The following ELP4 variants were observed in gnomAD, a reference collection of about 807,000 sequenced individuals.
ELP4 encodes the protein elongator acetyltransferase complex subunit 4.
Under a neutral mutation model 48.9 loss-of-function variants are expected in ELP4, and 51 were observed. The ratio of observed to expected loss-of-function variants is 1.04; its 90% confidence interval spans 0.83 to 1.32. The LOEUF is 1.32. Among genes scored for constraint, ELP4 ranks in the 40% most tolerant of loss-of-function variants. The pLI is 0.00. For missense variants in ELP4, 519 were observed against 514.6 expected, an observed-to-expected ratio of 1.01 and a Z score of -0.08; for synonymous variants, 210 against 189.2, an observed-to-expected ratio of 1.11 and a Z score of -0.90.
chr11:31,771,786 T>C (rs543737911), intron 9 of ELP4, among the ~76,000 whole-genome samples: 3 of 152,320 alleles, frequency 2.0e-5, no homozygotes, highest in South Asian at 2.1e-4. Flanking sequence ...AAGACCATCC[T>C]GGCTAACACA....
rs1233906076 is a variant in ELP4 at position 31,509,810 on chromosome 11, G to A, written c.26G>A (p.Ser9Asn). The A allele has an allele frequency of 1.2e-6, 2 of 1,614,038 alleles. No individual in the cohort carries two copies. The highest frequency in any genetic ancestry group is 2.7e-5 in the African/African-American group (2 of 74,936). ...ATGGCGGCAGTGGCAACCTGCGGTA[G>A]TGTTGCCGCGAGTACTGGGTCTGCA... MAAVATCG[S>N]VAASTGSAVA... The change falls in exon 1 of 10, where the codon AGT becomes AAT. Residue 9 changes from serine to asparagine, a missense_variant. Coordinates refer to ENST00000640961, the MANE Select transcript of ELP4 (RefSeq NM_019040.5).
chr11:31,607,133 G>A lies in ELP4; in HGVS notation c.653+3226G>A, dbSNP rs578186374. ...GAAGGCTGCTATCTGCAACCTAAGG[G>A]AAGAGCCCTCACCAGGCACCAACTC... On this transcript the variant is annotated intron_variant, in intron 5 of 9. Transcript: ENST00000640961. Among the ~76,000 whole-genome samples, 530 of 152,262 alleles carry A rather than the reference G, an allele frequency of 3.5e-3. 1 individual carries two copies. The highest frequency in any genetic ancestry group is 4.8e-3 in the Non-Finnish European group (326 of 68,020).
At chr11:31,601,193 A>G (rs1330466990) in intron 4 of ELP4, among the ~76,000 whole-genome samples, 1 of 144,370 alleles carries the variant, frequency 6.9e-6, no homozygotes, top group Non-Finnish European at 1.5e-5. Flanking sequence ...TTTAGAGGAA[A>G]TGTCTAAGTC....
chr11:31,569,479 G>A (rs997996670), intron 3 of ELP4, among the ~76,000 whole-genome samples: 3 of 152,048 alleles, frequency 2.0e-5, no homozygotes, highest in South Asian at 2.1e-4. Flanking sequence ...AGAACACCAC[G>A]GTGTCTGACA....
rs371653529 is a variant in ELP4, at chr11:31,710,751, G to A, written c.1143+60530G>A. Among the ~76,000 whole-genome samples the A allele has an allele frequency of 2.2e-4, 34 of 152,144 alleles. No homozygotes were observed. In the East Asian group the frequency reaches 2.3e-3, roughly 10 times the overall value. ...GACTTTGGATACCTCTTCAGCATAC[G>A]GATGAGAAGAATAAGACACAGAGAG... On this transcript the variant is annotated intron_variant, in intron 9 of 9. Coordinates refer to ENST00000640961, the MANE Select transcript of ELP4 (RefSeq NM_019040.5).
intron 7 of ELP4, chr11:31,632,833 A>T (rs1944892036): frequency 6.6e-6 from 1 of 152,374 alleles, no homozygotes; most frequent in South Asian, 2.1e-4. Flanking sequence ...TAATGAATCA[A>T]TGTATTTCCA....
At chr11:31,645,462 T>G (rs1280145095) in intron 7 of ELP4, among the ~76,000 whole-genome samples, 1 of 151,794 alleles carries the variant, frequency 6.6e-6, no homozygotes. Flanking sequence ...ACACAGTACT[T>G]TGCTTATGTA....
At chr11:31,621,566 A>G (rs1322688934) in intron 5 of ELP4, among the ~76,000 whole-genome samples, 1 of 151,942 alleles carries the variant, frequency 6.6e-6, no homozygotes, top group Non-Finnish European at 1.5e-5. Context: ...TGACACAGGT[A>G]GAACTAGAAC....
At chr11:31,516,348 G>A (rs906106163) in intron 1 of ELP4, among the ~76,000 whole-genome samples, 1 of 152,118 alleles carries the variant, frequency 6.6e-6, no homozygotes, top group Non-Finnish European at 1.5e-5. Context: ...AAAGGCTATT[G>A]GGTAATTAAA....
chr11:31,750,029 T>C (rs933340353), intron 9 of ELP4, among the ~76,000 whole-genome samples: 3 of 151,910 alleles, frequency 2.0e-5, no homozygotes, highest in Non-Finnish European at 4.4e-5. Context: ...CTAATTTTTT[T>C]TTTTTTTGTA....
chr11:31,703,450 A>C (rs1194201973), intron 9 of ELP4, among the ~76,000 whole-genome samples: 2 of 152,212 alleles, frequency 1.3e-5, no homozygotes. Context: ...GTATGAGTAA[A>C]ATATGAATAT....
intron 4 of ELP4, chr11:31,599,941 C>G (rs1430130077): frequency 6.6e-6 from 1 of 152,162 alleles, no homozygotes; most frequent in African/African-American, 2.4e-5. Context: ...CCGTAGACTT[C>G]ACTGTGTTTT....
In ELP4 at chr11:31,520,074, G is replaced by C. The variant is rs746405426; in HGVS notation, c.242G>C (p.Gly81Ala). 1 of 1,612,676 alleles carries C rather than the reference G, an allele frequency of 6.2e-7. No homozygotes were observed. The highest frequency in any genetic ancestry group is 8.5e-7 in the Non-Finnish European group (1 of 1,179,506). The change falls in exon 2 of 10, where the codon GGA (glycine) becomes GCA (alanine). Residue 81 changes from glycine (G) to alanine (A), a missense_variant. By Grantham distance (60) the Gly-to-Ala change is moderately conservative (BLOSUM62 0). Coordinates refer to ENST00000640961, the MANE Select transcript of ELP4 (RefSeq NM_019040.5). ...TTTCCAGGTGGAGGTTTAGCCGTTG[G>C]AACAGTTCTTCTAATTGGTTAGTAC... is the stretch of plus-strand genomic sequence containing the variant. ...DQLLGGGLAV[G>A]TVLLIEEDKY...
At chr11:31,542,727 C>T (rs1423512110) in intron 3 of ELP4, among the ~76,000 whole-genome samples, 2 of 152,138 alleles carry the variant, frequency 1.3e-5, no homozygotes, top group African/African-American at 4.8e-5. Flanking sequence ...AAGTGTCCAG[C>T]ACCCAACAGA....
chr11:31,716,112 G>T (rs1946837541), intron 9 of ELP4, among the ~76,000 whole-genome samples: 1 of 152,074 alleles, frequency 6.6e-6, no homozygotes, highest in Non-Finnish European at 1.5e-5. Context: ...TTCCTGGGTT[G>T]TAAACCATCC....
chr11:31,604,614 A>G lies in ELP4; in HGVS notation c.653+707A>G, dbSNP rs73462942. ...AGTTATGGAACAGATTGTCATTTAT[A>G]TTTTCTTAAGCATTTGTAAAACCAT... is the stretch of plus-strand genomic sequence containing the variant. On this transcript the variant is annotated intron_variant, in intron 5 of 9. Transcript: ENST00000640961. 8.1e-3 allele frequency among the ~76,000 whole-genome samples: 1,233 copies of G among 152,026 alleles called. 16 individuals are homozygous for G. The highest frequency in any genetic ancestry group is 0.029 in the African/African-American group (1,190 of 41,552).
chr11:31,747,111 G>A (rs951110485), intron 9 of ELP4, among the ~76,000 whole-genome samples: 1 of 151,972 alleles, frequency 6.6e-6, no homozygotes, highest in African/African-American at 2.4e-5. Flanking sequence ...TGAGTGTAGA[G>A]AGAGAAAGAT....
chr11:31,687,042 G>A (rs1018427504), intron 9 of ELP4, among the ~76,000 whole-genome samples: 2 of 152,064 alleles, frequency 1.3e-5, no homozygotes, highest in Admixed American at 1.3e-4. Context: ...AAAATCAACT[G>A]AACTTAGTCA....
intron 4 of ELP4, among the ~76,000 whole-genome samples, chr11:31,602,232 T>G (rs1168420754): frequency 2.6e-5 from 4 of 152,026 alleles, no homozygotes; most frequent in African/African-American, 9.7e-5. Context: ...TAGCAGAGAT[T>G]GCAATAAAAA....
Sources: gnomAD v4.1 joint callset for allele counts (sites outside exome capture counted in the v4.1 genomes callset) on GRCh38, gnomAD v4.1.1 for gene constraint, MANE v1.5 for transcripts, NCBI Gene and HGNC (gene_info 2026-07-23, HGNC 2026-07-21) for gene names.